The following B3GALT1 variants were observed in gnomAD, a reference collection of about 807,000 sequenced individuals.
B3GALT1 encodes the protein UDP-Gal:betaGlcNAc beta 1,3-galactosyltransferase, polypeptide 1.
B3GALT1 carries 10 observed loss-of-function variants against 23.2 expected under a neutral mutation model. The observed-to-expected ratio is 0.43, with a 90% CI of 0.27 to 0.73. The LOEUF (loss-of-function observed/expected upper bound fraction) is 0.73. Among genes scored for constraint, B3GALT1 ranks in the 30% least tolerant of loss-of-function variants. The pLI is 0.21. For synonymous variants in B3GALT1, 156 were observed against 141.5 expected (o/e 1.10, Z -0.73); for missense variants, 299 against 405.4 (o/e 0.74, Z 2.25).
chr2:167,457,300 G>A (rs547594650), intron 1 of B3GALT1, among the ~76,000 whole-genome samples: 7 of 152,050 alleles, frequency 4.6e-5, no homozygotes, highest in Non-Finnish European at 8.8e-5. Flanking sequence ...AGCCTCCCAC[G>A]TAGCTGGGAC....
At chr2:167,334,227 G>A (rs1417247114) in intron 1 of B3GALT1, among the ~76,000 whole-genome samples, 2 of 152,126 alleles carry the variant, frequency 1.3e-5, no homozygotes, top group Non-Finnish European at 2.9e-5. Flanking sequence ...CTTAATGATA[G>A]CATGGACCAT....
At chr2:167,493,709 G>A (rs1699741031) in intron 2 of B3GALT1, among the ~76,000 whole-genome samples, 2 of 152,176 alleles carry the variant, frequency 1.3e-5, no homozygotes, top group Admixed American at 1.3e-4. Flanking sequence ...TAAGAAGTGT[G>A]TTGGCATTGG....
At chr2:167,381,253 G>A (rs533939757) in intron 1 of B3GALT1, among the ~76,000 whole-genome samples, 2 of 152,010 alleles carry the variant, frequency 1.3e-5, no homozygotes, top group Non-Finnish European at 2.9e-5. Context: ...CAGAGATGGA[G>A]TCTCACTACA....
At chr2:167,607,647 C>CAGGGT (rs1201272028) in intron 2 of B3GALT1, among the ~76,000 whole-genome samples, 2 of 152,140 alleles carry the variant, frequency 1.3e-5, no homozygotes, top group African/African-American at 4.8e-5. Flanking sequence ...TTGGCACTAC[C>CAGGGT]AGGGTAAATA....
chr2:167,685,245 T>C (rs1686599611), intron 3 of B3GALT1, among the ~76,000 whole-genome samples: 2 of 152,204 alleles, frequency 1.3e-5, no homozygotes, highest in Non-Finnish European at 2.9e-5. Flanking sequence ...GGCATGGTTC[T>C]AAAAGAATGT....
intron 2 of B3GALT1, among the ~76,000 whole-genome samples, chr2:167,543,893 CAAG>C (rs1441415702): frequency 6.6e-6 from 1 of 152,144 alleles, no homozygotes; most frequent in Admixed American, 6.5e-5. Context: ...CCTTACATAA[CAAG>C]AAGTCTGGAA....
intron 4 of B3GALT1, among the ~76,000 whole-genome samples, chr2:167,849,883 C>T (rs1054003452): frequency 7.3e-6 from 1 of 137,164 alleles, no homozygotes; most frequent in Non-Finnish European, 1.6e-5. Flanking sequence ...GAGCGAGACT[C>T]TGTCTCAAAA....
chr2:167,503,554 C>T (rs1699877137), intron 2 of B3GALT1, among the ~76,000 whole-genome samples: 1 of 152,160 alleles, frequency 6.6e-6, no homozygotes, highest in South Asian at 2.1e-4. Flanking sequence ...ACATTTCCAG[C>T]ATCATTATCC....
At chr2:167,323,714 T>C (rs1021704426) in intron 1 of B3GALT1, among the ~76,000 whole-genome samples, 1 of 152,218 alleles carries the variant, frequency 6.6e-6, no homozygotes, top group Admixed American at 6.5e-5. Context: ...CTGTTTCCCA[T>C]TCATAAAACT....
At chr2:167,579,872 T>A (rs1049812609) in intron 2 of B3GALT1, among the ~76,000 whole-genome samples, 13 of 152,172 alleles carry the variant, frequency 8.5e-5, no homozygotes, top group Non-Finnish European at 1.5e-4. Context: ...AATCAATTCC[T>A]AGATGTAGAG....
At chr2:167,398,060 A>G (rs1041438927) in intron 1 of B3GALT1, among the ~76,000 whole-genome samples, 2 of 152,148 alleles carry the variant, frequency 1.3e-5, no homozygotes, top group African/African-American at 4.8e-5. Context: ...ATAGCATGAA[A>G]CATTTTTATA....
intron 1 of B3GALT1, among the ~76,000 whole-genome samples, chr2:167,468,272 C>G (rs1055253619): frequency 6.6e-6 from 1 of 152,044 alleles, no homozygotes; most frequent in Non-Finnish European, 1.5e-5. Context: ...AAAATCAAAT[C>G]TAATCAGTGT....
intron 1 of B3GALT1, among the ~76,000 whole-genome samples, chr2:167,349,852 T>C (rs539569083): frequency 3.3e-5 from 5 of 152,292 alleles, no homozygotes; most frequent in African/African-American, 1.2e-4. Flanking sequence ...CTTCTCCCTA[T>C]AGGAATTTTT....
intron 3 of B3GALT1, among the ~76,000 whole-genome samples, chr2:167,813,600 T>C (rs547970387): frequency 1.3e-5 from 2 of 152,346 alleles, no homozygotes; most frequent in South Asian, 2.1e-4. Context: ...AATATGGGTA[T>C]AGGATGTAGG....
At chr2:167,662,060 G>A (rs1686069116) in intron 3 of B3GALT1, among the ~76,000 whole-genome samples, 1 of 130,194 alleles carries the variant, frequency 7.7e-6, no homozygotes, top group African/African-American at 2.6e-5. Flanking sequence ...TCCTGTATAT[G>A]TTTTCAGAGA....
rs146699966 is a variant in B3GALT1 at position 167,689,331 on chromosome 2, G to A, written c.-352+42365G>A. Among the ~76,000 whole-genome samples the A allele has an allele frequency of 2.9e-3, 435 of 152,158 alleles. 2 individuals are homozygous for A. The highest frequency in any genetic ancestry group is 5.1e-3 in the Non-Finnish European group (344 of 67,980). Reference sequence around the variant, plus strand: ...TCCAGCAAAAATATCCTTCAGGAATGAAGAGGAAATCAAGACATTCTCAGA... The same window carrying A: ...TCCAGCAAAAATATCCTTCAGGAATAAAGAGGAAATCAAGACATTCTCAGA... On this transcript the variant is annotated intron_variant, in intron 3 of 4. Transcript: ENST00000392690.
chr2:167,786,947 G>C (rs1402100017), intron 3 of B3GALT1, among the ~76,000 whole-genome samples: 4 of 152,106 alleles, frequency 2.6e-5, no homozygotes, highest in Non-Finnish European at 5.9e-5. Context: ...TGTTGGTTTG[G>C]TTTGGTTTTT....
intron 4 of B3GALT1, among the ~76,000 whole-genome samples, chr2:167,834,511 A>C (rs1689418075): frequency 6.6e-6 from 1 of 152,196 alleles, no homozygotes. Context: ...TCTAGGTTAG[A>C]TTCTGCTGGC....
chr2:167,843,358 C>T (rs1255742504), intron 4 of B3GALT1, among the ~76,000 whole-genome samples: 2 of 152,100 alleles, frequency 1.3e-5, no homozygotes, highest in Admixed American at 6.5e-5. Flanking sequence ...GGCAATCCAG[C>T]CTGTCAGACT....
Sources: gnomAD v4.1 joint callset for allele counts (sites outside exome capture counted in the v4.1 genomes callset) on GRCh38, gnomAD v4.1.1 for gene constraint, MANE v1.5 for transcripts, NCBI Gene and HGNC (gene_info 2026-07-23, HGNC 2026-07-21) for gene names.